HCN1: variants seen among roughly 807,000 people sequenced by gnomAD.
HCN1 encodes the protein hyperpolarization activated cyclic nucleotide gated potassium channel 1.
HCN1 carries 13 observed loss-of-function variants against 78.9 expected under a neutral mutation model. The observed-to-expected ratio is 0.16, with a 90% CI of 0.11 to 0.26. HCN1 has a LOEUF of 0.26. HCN1 is among the 10% of genes least tolerant of loss of function. The probability of loss-of-function intolerance (pLI) is 1.00; values close to 1 mark genes in which losing one functional copy is unlikely to be tolerated. For synonymous variants in HCN1, 552 were observed against 455.5 expected (o/e 1.21, Z -2.70); for missense variants, 810 against 1,154.3 (o/e 0.70, Z 4.32).
At chr5:45,465,157 A>T (rs1291106190) in intron 2 of HCN1, among the ~76,000 whole-genome samples, 3 of 152,202 alleles carry the variant, frequency 2.0e-5, no homozygotes, top group Non-Finnish European at 4.4e-5. Flanking sequence ...AATTGTTACT[A>T]AATGAATGAA....
intron 4 of HCN1, among the ~76,000 whole-genome samples, chr5:45,368,403 G>A (rs1393063908): frequency 6.6e-6 from 1 of 151,882 alleles, no homozygotes; most frequent in Non-Finnish European, 1.5e-5. Context: ...GGTGGGCTAA[G>A]GATGAGTTAT....
intron 2 of HCN1, among the ~76,000 whole-genome samples, chr5:45,484,698 A>G (rs572091419): frequency 6.6e-6 from 1 of 152,216 alleles, no homozygotes; most frequent in South Asian, 2.1e-4. Flanking sequence ...TAACCCCTGG[A>G]CTCTAGATGT....
rs188373683 is a variant in HCN1, at chr5:45,565,365, A to G, written c.849+79820T>C. 1.1e-3 allele frequency among the ~76,000 whole-genome samples: 173 copies of G among 152,298 alleles called. 1 individual carries two copies. The highest frequency in any genetic ancestry group is 4.6e-3 in the Admixed American group (70 of 15,278). On this transcript the variant is annotated intron_variant, in intron 2 of 7. Transcript: ENST00000303230. ...CCTTGTGTGGCCTTAAAATCCTCCA[A>G]CACACACTAATAGTTTTCCCTATAG...
chr5:45,672,444 C>T (rs953699291), intron 1 of HCN1, among the ~76,000 whole-genome samples: 1 of 150,908 alleles, frequency 6.6e-6, no homozygotes. Context: ...TAAGTACTTG[C>T]TAGTATTTAT....
At chr5:45,297,142 T>C (rs989349069) in intron 6 of HCN1, among the ~76,000 whole-genome samples, 2 of 152,056 alleles carry the variant, frequency 1.3e-5, no homozygotes, top group Non-Finnish European at 2.9e-5. Flanking sequence ...TCTATAGATA[T>C]TAAATTAACT....
chr5:45,495,598 C>T (rs976491931), intron 2 of HCN1, among the ~76,000 whole-genome samples: 4 of 152,200 alleles, frequency 2.6e-5, no homozygotes, highest in Non-Finnish European at 4.4e-5. Context: ...TTATTTCCTT[C>T]TCCTAACTGA....
chr5:45,262,937 C>G, intron 7 of HCN1, 127 bp from the exon 8 acceptor site: 3 of 944,956 alleles, frequency 3.2e-6, no homozygotes, highest in Non-Finnish European at 4.9e-6. Context: ...AAGCCAGTCA[C>G]TCACCTTTAC....
chr5:45,604,469 A>T (rs1446882056), intron 2 of HCN1, among the ~76,000 whole-genome samples: 1 of 151,962 alleles, frequency 6.6e-6, no homozygotes, highest in Non-Finnish European at 1.5e-5. Flanking sequence ...CTAATAAATA[A>T]TGGTATTGTT....
intron 1 of HCN1, among the ~76,000 whole-genome samples, chr5:45,681,580 A>G (rs1370476079): frequency 6.6e-6 from 1 of 152,124 alleles, no homozygotes; most frequent in African/African-American, 2.4e-5. Flanking sequence ...TGGTCACCAA[A>G]AAGTTAAAAT....
chr5:45,543,732 G>A (rs1326026411), intron 2 of HCN1, among the ~76,000 whole-genome samples: 1 of 152,000 alleles, frequency 6.6e-6, no homozygotes, highest in East Asian at 1.9e-4. Context: ...ATTTTTAAAA[G>A]CCTATGTAAA....
At chr5:45,507,656 A>G (rs555158335) in intron 2 of HCN1, among the ~76,000 whole-genome samples, 7 of 152,306 alleles carry the variant, frequency 4.6e-5, no homozygotes, top group African/African-American at 7.2e-5. Flanking sequence ...GCACACACAC[A>G]TGGTCAGAAG....
At chr5:45,496,138 C>G (rs1423697936) in intron 2 of HCN1, among the ~76,000 whole-genome samples, 2 of 152,050 alleles carry the variant, frequency 1.3e-5, no homozygotes, top group Non-Finnish European at 2.9e-5. Context: ...GGAGGATTCC[C>G]TCTTTTTCTA....
chr5:45,353,173 T>C lies in HCN1; in HGVS notation c.1304A>G (p.Tyr435Cys). 6.2e-7 allele frequency: 1 copy of C among 1,609,702 alleles called. No individual in the cohort carries two copies. The change falls in exon 5 of 8, where the codon TAT becomes TGT. Residue 435 changes from tyrosine (Y) to cysteine (C), a missense_variant. Physicochemically the swap from Tyr to Cys is radical, Grantham distance 194. This residue lies in a region of HCN1 where 100 missense variants were observed against 126.8 expected (regional missense o/e 0.79). Transcript: ENST00000303230. ...GATTTTGCCTTGGTATCTGTGTTCA[T>C]AGTAATCATGTATCTTCTGACGCAT... ...ADMRQKIHDY[Y>C]EHRYQGKIFD...
intron 4 of HCN1, among the ~76,000 whole-genome samples, chr5:45,357,935 T>C (rs1262563344): frequency 2.0e-5 from 3 of 152,104 alleles, no homozygotes. Flanking sequence ...AAAAAGATTC[T>C]GGCACCTCTC....
intron 3 of HCN1, among the ~76,000 whole-genome samples, chr5:45,458,162 T>C (rs1461136941): frequency 6.6e-6 from 1 of 152,058 alleles, no homozygotes; most frequent in Admixed American, 6.6e-5. Context: ...ACAGTATAAT[T>C]ATAGCATTGA....
chr5:45,658,492 A>C (rs546719396), intron 1 of HCN1, among the ~76,000 whole-genome samples: 8 of 152,216 alleles, frequency 5.3e-5, no homozygotes, highest in Admixed American at 3.3e-4. Context: ...TACAGCTCCC[A>C]GCGTGAGCGA....
At chr5:45,491,353 C>T (rs1156969095) in intron 2 of HCN1, among the ~76,000 whole-genome samples, 1 of 151,918 alleles carries the variant, frequency 6.6e-6, no homozygotes, top group Non-Finnish European at 1.5e-5. Context: ...AATTGGTGTC[C>T]ATACTCCAAC....
intron 1 of HCN1, among the ~76,000 whole-genome samples, chr5:45,655,769 C>T (rs1561233984): frequency 6.6e-6 from 1 of 152,090 alleles, no homozygotes; most frequent in Non-Finnish European, 1.5e-5. Context: ...AACTTCTAAA[C>T]AGAGGAGCTA....
chr5:45,611,160 C>T (rs1744826978), intron 2 of HCN1, among the ~76,000 whole-genome samples: 1 of 151,158 alleles, frequency 6.6e-6, no homozygotes, highest in South Asian at 2.1e-4. Flanking sequence ...AAGACATCCT[C>T]CTGACTCAGC....
Sources: gnomAD v4.1 joint callset for allele counts (sites outside exome capture counted in the v4.1 genomes callset) on GRCh38, gnomAD v4.1.1 for gene constraint, gnomAD v4.1.1 regional missense constraint, MANE v1.5 for transcripts, NCBI Gene and HGNC (gene_info 2026-07-23, HGNC 2026-07-21) for gene names.